The following KLB variants were observed in gnomAD, a reference collection of about 807,000 sequenced individuals.
KLB encodes the protein beta-klotho.
Under a neutral mutation model 88.4 loss-of-function variants are expected in KLB, and 44 were observed. That is an observed-to-expected ratio of 0.50 (90% CI 0.39 to 0.64). The LOEUF (loss-of-function observed/expected upper bound fraction) is 0.64, where lower values mean the gene tolerates loss of function less well. KLB is among the 30% of genes least tolerant of loss of function. The pLI, the probability that KLB is intolerant of heterozygous loss-of-function variation, is 0.00. For synonymous variants in KLB, 548 were observed against 513.4 expected (o/e 1.07, Z -0.91); for missense variants, 1,137 against 1,304.8 (o/e 0.87, Z 1.98).
chr4:39,437,696 T>C, intron 2 of KLB, 31 bp from the exon 3 acceptor site: 1 of 1,577,970 alleles, frequency 6.3e-7, no homozygotes, highest in Non-Finnish European at 8.6e-7. Flanking sequence ...TTTAGGCCTC[T>C]GAACATCTCT....
intron 1 of KLB, among the ~76,000 whole-genome samples, chr4:39,424,626 GTTTCTT>G (rs1196419771): frequency 6.6e-6 from 1 of 151,200 alleles, no homozygotes; most frequent in Non-Finnish European, 1.5e-5. Flanking sequence ...CTCCATGGTG[GTTTCTT>G]TTTCTTTTTC....
intron 3 of KLB, among the ~76,000 whole-genome samples, chr4:39,439,852 G>T (rs1196269143): frequency 6.6e-6 from 1 of 152,038 alleles, no homozygotes; most frequent in Non-Finnish European, 1.5e-5. Context: ...ATCATTAGTA[G>T]AGACGGGGTT....
chr4:39,435,128 AT>A (rs1253983618), intron 2 of KLB, among the ~76,000 whole-genome samples: 7 of 131,040 alleles, frequency 5.3e-5, no homozygotes, highest in Admixed American at 1.6e-4. Flanking sequence ...ATTGTCCAAT[AT>A]TTTTTTTTTA....
intron 1 of KLB, among the ~76,000 whole-genome samples, chr4:39,410,213 T>C (rs1484385272): frequency 1.3e-5 from 2 of 152,192 alleles, no homozygotes; most frequent in African/African-American, 4.8e-5. Context: ...AGCCTTAAAA[T>C]TGGCTGATAA....
intron 1 of KLB, among the ~76,000 whole-genome samples, chr4:39,426,113 G>A (rs946023742): frequency 3.3e-5 from 5 of 152,052 alleles, no homozygotes; most frequent in African/African-American, 4.8e-5. Context: ...TCAGCCAGGC[G>A]TGGTGTCGGG....
At chr4:39,418,798 C>G (rs893306909) in intron 1 of KLB, among the ~76,000 whole-genome samples, 2 of 151,400 alleles carry the variant, frequency 1.3e-5, no homozygotes, top group African/African-American at 4.8e-5. Flanking sequence ...AAATACAAAA[C>G]TTAGCTGGGT....
Position 39,451,171 on chromosome 4 carries a change from A to G in KLB, c.*2485A>G, listed in dbSNP as rs1261382735. On this transcript the variant is annotated 3_prime_UTR_variant, in exon 5 of 5. Coordinates refer to ENST00000257408, the MANE Select transcript of KLB (RefSeq NM_175737.4). The stretch of plus-strand genomic sequence containing the variant: ...CGCACAAGAATCCAAAAACCCTTAA[A>G]TTTTTTAACCACTGGCAAATATGTA... 6.6e-6 allele frequency: 1 copy of G among 152,182 alleles called. No homozygotes were observed. Among genetic ancestry groups the G allele is most frequent in the Admixed American group, 6.6e-5 (1 of 15,266 alleles). The allele number at this position is 152,182 out of a possible 1,614,324, so 9.4% of individuals were successfully genotyped here.
chr4:39,420,213 G>A (rs913738693), intron 1 of KLB, among the ~76,000 whole-genome samples: 3 of 152,068 alleles, frequency 2.0e-5, no homozygotes, highest in African/African-American at 4.8e-5. Flanking sequence ...TCATTGCTTG[G>A]TTCTGCTTAA....
At chr4:39,411,823 T>A (rs1379849712) in intron 1 of KLB, 1 of 151,896 alleles carries the variant, frequency 6.6e-6, no homozygotes, top group Non-Finnish European at 1.5e-5. Flanking sequence ...CCCTTCTCTA[T>A]TTAAAGAAAA....
At chr4:39,419,771 C>G (rs747601044) in intron 1 of KLB, among the ~76,000 whole-genome samples, 2 of 107,754 alleles carry the variant, frequency 1.9e-5, no homozygotes, top group African/African-American at 4.4e-5. Context: ...GCAATTCCAT[C>G]TCAAAAAAAA....
rs768552319 is a variant in KLB at position 39,407,769 on chromosome 4, A to G, written c.820A>G (p.Ile274Val). 2.9e-5 allele frequency: 46 copies of G among 1,577,894 alleles called. 1 individual carries two copies. The highest frequency in any genetic ancestry group is 2.4e-4 in the South Asian group (21 of 88,264). The change falls in exon 1 of 5, where the codon ATC (isoleucine) becomes GTC (valine). Residue 274 changes from isoleucine (I) to valine (V), a missense_variant. Around this residue, in one of 4 missense-constraint regions of KLB, gnomAD observed 597 missense variants for 765.2 expected, o/e 0.78. Transcript: ENST00000257408. ...AAVYTVGHNL[I>V]KAHSKVWHNY... ...TGTCTACACTGTGGGACACAACTTG[A>G]TCAAGGTACTGTACAGCTAGCTTCT... is the stretch of plus-strand genomic sequence containing the variant.
rs1169536341 is a variant in KLB, at chr4:39,438,066, A to ATTT, written c.1605+71_1605+72insTTT. 102 of 1,403,594 alleles carry ATTT rather than the reference A, an allele frequency of 7.3e-5. No individual in the cohort carries two copies. The African/African-American group carries it at 1.4e-3, about 19-fold the overall frequency. The allele number at this position is 1,403,594 out of a possible 1,614,324, so 86.9% of individuals were successfully genotyped here. ...CACACTATTTCATTTACTCAATGAC[A>ATTT]GCTAAGAGATAGCTGTCAGACAATA... On this transcript the variant is annotated intron_variant, in intron 3 of 4. Coordinates refer to ENST00000257408, the MANE Select transcript of KLB (RefSeq NM_175737.4).
rs757672928 is a variant in KLB, at chr4:39,447,327, G to C, written c.2601G>C (p.Trp867Cys). The C allele has an allele frequency of 1.9e-6, 3 of 1,614,154 alleles. No individual in the cohort carries two copies. Among genetic ancestry groups the C allele is most frequent in the East Asian group, 2.2e-5 (1 of 44,890 alleles). ...SSPTRLAVIPWGVRKLLRWVR... is the reference protein window; with the variant it reads ...SSPTRLAVIPCGVRKLLRWVR... ...CCACGCGCCTGGCTGTGATTCCCTG[G>C]GGGGTGCGCAAGCTGCTGCGGTGGG... Residue 867 changes from tryptophan (W) to cysteine (C), a missense_variant, in exon 4 of 5, where the codon TGG (tryptophan) becomes TGC (cysteine). This residue lies in a region of KLB where 426 missense variants were observed against 404.6 expected (regional missense o/e 1.05). Transcript: ENST00000257408.
In KLB at chr4:39,447,021, G is replaced by A. The variant is rs745555353; in HGVS notation, c.2295G>A (p.Leu765=). The change falls in exon 4 of 5, where the codon CTG becomes CTA. Residue 765 remains leucine, a synonymous_variant. Coordinates refer to ENST00000257408, the MANE Select transcript of KLB (RefSeq NM_175737.4). ...DSHWRAAERF[L]QFEIAWFAEP... ...ACTGGAGGGCGGCCGAGCGCTTCCT[G>A]CAGTTCGAGATCGCCTGGTTCGCCG... is the stretch of plus-strand genomic sequence containing the variant. 1 of 1,611,302 alleles carries A rather than the reference G, an allele frequency of 6.2e-7. No individual in the cohort carries two copies. Among genetic ancestry groups the A allele is most frequent in the Non-Finnish European group, 8.5e-7 (1 of 1,179,962 alleles).
Position 39,446,636 on chromosome 4 carries a change from C to T in KLB, c.1910C>T (p.Ala637Val). ...GAGGGGCTGAAGCTTGGCATCTCCG[C>T]GATGGTCACCCTGTATTATCCGACC... is the stretch of plus-strand genomic sequence containing the variant. ...VSEGLKLGIS[A>V]MVTLYYPTHA... The change falls in exon 4 of 5, where the codon GCG becomes GTG. Residue 637 changes from alanine to valine, a missense_variant. Physicochemically the swap from Ala to Val is moderately conservative, Grantham distance 64. This residue lies in a region of KLB where 597 missense variants were observed against 765.2 expected (regional missense o/e 0.78). Coordinates refer to ENST00000257408, the MANE Select transcript of KLB (RefSeq NM_175737.4). This position sits in a 1 kb window ranked among gnomAD's most constrained non-coding sequence, Gnocchi z 6.4. 1 of 1,613,524 alleles carries T rather than the reference C, an allele frequency of 6.2e-7. No homozygotes were observed. The highest frequency in any genetic ancestry group is 8.5e-7 in the Non-Finnish European group (1 of 1,179,628).
chr4:39,440,202 G>A (rs1306265149), intron 3 of KLB, among the ~76,000 whole-genome samples: 2 of 151,438 alleles, frequency 1.3e-5, no homozygotes, highest in African/African-American at 4.9e-5. Context: ...CTGGTGTGCA[G>A]TGAGTGATCT....
intron 1 of KLB, among the ~76,000 whole-genome samples, chr4:39,424,825 C>T (rs146712335): frequency 6.6e-6 from 1 of 151,712 alleles, no homozygotes; most frequent in African/African-American, 2.4e-5. Flanking sequence ...GATGGGGTTT[C>T]ACCATGTTGG....
rs546585834 is a variant in KLB, at chr4:39,449,476, A to T, written c.*790A>T. ...CTCCTTTAGGTCAGGGTGGTTCTAA[A>T]ATGGAAAGAAAACACAATAGGGTAA... On this transcript the variant is annotated 3_prime_UTR_variant, in exon 5 of 5. Coordinates refer to ENST00000257408, the MANE Select transcript of KLB (RefSeq NM_175737.4). The T allele has an allele frequency of 3.3e-5, 5 of 152,218 alleles. No homozygotes were observed. The highest frequency in any genetic ancestry group is 7.4e-5 in the Non-Finnish European group (5 of 68,018). The allele number at this position is 152,218 out of a possible 1,614,324, so 9.4% of individuals were successfully genotyped here.
At chr4:39,438,448 C>T (rs963133409) in intron 3 of KLB, among the ~76,000 whole-genome samples, 4 of 152,158 alleles carry the variant, frequency 2.6e-5, no homozygotes, top group Non-Finnish European at 4.4e-5. Context: ...CCTCCTCACA[C>T]ATCTCATTCC....
Sources: allele counts gnomAD v4.1 joint callset (sites outside exome capture counted in the v4.1 genomes callset), GRCh38; gene constraint gnomAD v4.1.1; regional missense constraint gnomAD v4.1.1; non-coding constraint Gnocchi (gnomAD v3.1); transcripts MANE v1.5; gene names NCBI Gene and HGNC (gene_info 2026-07-23, HGNC 2026-07-21).